The following ING5 variants were observed in gnomAD, a reference collection of about 807,000 sequenced individuals.
ING5 encodes inhibitor of growth family member 5, also known as inhibitor of growth protein 5.
In ING5, 17 loss-of-function variants were observed where a neutral mutation model predicts 37.4. That is an observed-to-expected ratio of 0.45 (90% confidence interval 0.31 to 0.68). The LOEUF is 0.68. Among genes scored for constraint, ING5 ranks in the 30% least tolerant of loss-of-function variants. The pLI is 0.05. For missense variants in ING5, 233 were observed against 311.9 expected (o/e 0.75, Z 1.91); for synonymous variants, 123 against 116.6 (o/e 1.06, Z -0.36).
chr2:241,711,790 A>G (rs1575130114), intron 4 of ING5, among the ~76,000 whole-genome samples, 188 bp from the exon 5 acceptor site: 1 of 151,936 alleles, frequency 6.6e-6, no homozygotes, highest in Non-Finnish European at 1.5e-5. Flanking sequence ...GGTCCCAGCT[A>G]CTCGGGAGGC....
intron 7 of ING5, chr2:241,723,674 C>T (rs541835746): frequency 3.8e-5 from 48 of 1,274,150 alleles, no homozygotes; most frequent in Middle Eastern, 1.9e-4. Context: ...GCCCTGAAGC[C>T]GGGGCATGGA....
At position 241,723,169 on chromosome 2, in the gene ING5, C is replaced by T. The variant is rs764987159; in HGVS notation, c.619-41C>T. The T allele has an allele frequency of 3.1e-6, 5 of 1,613,508 alleles. No individual in the cohort carries two copies. In the South Asian group the frequency reaches 5.5e-5, roughly 18 times the overall value. On this transcript the variant is annotated intron_variant, in intron 6 of 7. Coordinates refer to ENST00000313552, the MANE Select transcript of ING5 (RefSeq NM_032329.6). ...CATTTCTTGTGTTTTGCATACAGAA[C>T]ATGAGGCGTGTTGACTGCGGTTTCT...
chr2:241,711,638 C>T (rs1314500619), intron 4 of ING5, 150 bp downstream of exon 4: 13 of 642,004 alleles, frequency 2.0e-5, no homozygotes, highest in Non-Finnish European at 2.9e-5. Context: ...TGGTGGCTTA[C>T]GCCTGTAACC....
intron 1 of ING5, among the ~76,000 whole-genome samples, chr2:241,703,943 T>A (rs1006530501): frequency 2.0e-5 from 3 of 152,050 alleles, no homozygotes; most frequent in Non-Finnish European, 4.4e-5. Context: ...TAAAGTCGCG[T>A]GGGCAGCGTG....
In ING5 at chr2:241,724,891, G is replaced by A. The variant is rs1003454577; in HGVS notation, c.681-98G>A. On this transcript the variant is annotated intron_variant, in intron 7 of 7. Coordinates refer to ENST00000313552, the MANE Select transcript of ING5 (RefSeq NM_032329.6). ...CCTCTCCTGGTGCCCTCCTGCCGGC[G>A]TCCAGCAGCCCTGGGAGACATGGGG... 1.1e-5 allele frequency: 14 copies of A among 1,316,574 alleles called. 1 individual carries two copies. Among genetic ancestry groups the A allele is most frequent in the South Asian group, 7.3e-5 (6 of 82,628 alleles). The allele number at this position is 1,316,574 out of a possible 1,614,324, so 81.6% of individuals were successfully genotyped here.
At chr2:241,690,513 G>A (rs2069534510) in exon 2 of ING5, 1 of 397,598 alleles carries the variant, frequency 2.5e-6, no homozygotes, top group Non-Finnish European at 4.4e-6. Flanking sequence ...CAGCCCTGGC[G>A]TGGGCATAGG....
intron 5 of ING5, among the ~76,000 whole-genome samples, chr2:241,715,482 T>A (rs960793160): frequency 2.1e-5 from 3 of 142,928 alleles, no homozygotes; most frequent in African/African-American, 8.0e-5. Flanking sequence ...ATTTTTTTTT[T>A]TTTTTTTTTT....
chr2:241,701,800 TG>T (rs2069732004), upstream of ING5, among the ~76,000 whole-genome samples: 1 of 151,870 alleles, frequency 6.6e-6, no homozygotes, highest in Admixed American at 6.6e-5. Context: ...CGCCGGGCGG[TG>T]GGGCCGGGAA....
At chr2:241,709,520 T>A in intron 3 of ING5, 138 bp downstream of exon 3, 1 of 729,976 alleles carries the variant, frequency 1.4e-6, no homozygotes, top group Non-Finnish European at 2.3e-6. Flanking sequence ...CTGGAGGAAG[T>A]GCAGACGGAA....
intron 1 of ING5, among the ~76,000 whole-genome samples, 195 bp downstream of exon 1, chr2:241,702,297 G>A (rs887686409): frequency 6.7e-6 from 1 of 149,254 alleles, no homozygotes; most frequent in Non-Finnish European, 1.5e-5. Flanking sequence ...GCGGGCGCGG[G>A]GGGTCCCGCC....
At chr2:241,723,748 C>T (rs760657371) in intron 7 of ING5, 172 of 1,597,634 alleles carry the variant, frequency 1.1e-4, no homozygotes, top group Non-Finnish European at 1.3e-4. Flanking sequence ...CTGACCCTTG[C>T]ATCCCCTTGG....
intron 5 of ING5, chr2:241,719,967 GC>G: frequency 1.6e-6 from 2 of 1,273,420 alleles, no homozygotes; most frequent in South Asian, 3.2e-5. Context: ...TCTTCTCTGT[GC>G]CCCCAAGTGG....
chr2:241,709,006 A>G, intron 2 of ING5: 1 of 487,946 alleles, frequency 2.0e-6, no homozygotes, highest in East Asian at 3.4e-5. Context: ...TGTCCTGGGC[A>G]CGTTGCCGTA....
At chr2:241,721,748 C>T in intron 5 of ING5, 1 of 985,428 alleles carries the variant, frequency 1.0e-6, no homozygotes, top group Non-Finnish European at 1.2e-6. Flanking sequence ...TCTATAGTAC[C>T]TGCAGCTTGT....
At chr2:241,714,461 T>C (rs188851616) in intron 5 of ING5, among the ~76,000 whole-genome samples, 1 of 152,194 alleles carries the variant, frequency 6.6e-6, no homozygotes, top group Non-Finnish European at 1.5e-5. Context: ...GAAATTTGTT[T>C]CATGTAAGTT....
chr2:241,698,303 G>T (rs1302826392), upstream of ING5, among the ~76,000 whole-genome samples: 1 of 151,952 alleles, frequency 6.6e-6, no homozygotes, highest in East Asian at 1.9e-4. Flanking sequence ...AAATTAGCCG[G>T]GCATGGTGGC....
intron 5 of ING5, chr2:241,721,109 T>C: frequency 1.0e-6 from 1 of 985,546 alleles, no homozygotes; most frequent in South Asian, 4.7e-5. Context: ...GCGTCAGCGT[T>C]TCGGGGACGG....
At chr2:241,701,048 T>C (rs1171630598), upstream of ING5, among the ~76,000 whole-genome samples, 2 of 148,192 alleles carry the variant, frequency 1.3e-5, no homozygotes, top group Non-Finnish European at 3.0e-5. Flanking sequence ...CTCAGCTCAC[T>C]ACAACCTCCG....
intron 7 of ING5, 79 bp downstream of exon 7, chr2:241,723,350 C>A: frequency 7.0e-7 from 1 of 1,429,464 alleles, no homozygotes; most frequent in African/African-American, 1.4e-5. Context: ...AGAAGGTGCT[C>A]CATGGCAGAA....
Sources: gnomAD v4.1 joint callset for allele counts (sites outside exome capture counted in the v4.1 genomes callset) on GRCh38, gnomAD v4.1.1 for gene constraint, MANE v1.5 for transcripts, NCBI Gene and HGNC (gene_info 2026-07-23, HGNC 2026-07-21) for gene names.